The following COL15A1 variants were observed in gnomAD, a reference collection of about 807,000 sequenced individuals.
The protein encoded by COL15A1 is collagen alpha-1(XV) chain.
In COL15A1, 111 loss-of-function variants were observed where a neutral mutation model predicts 165.9. The observed-to-expected ratio is 0.67, with a 90% CI of 0.57 to 0.78. The LOEUF is 0.78. Among genes scored for constraint, COL15A1 ranks in the 30% least tolerant of loss-of-function variants. COL15A1 has a pLI of 0.00. For missense variants in COL15A1, 1,745 were observed against 1,789.7 expected, an observed-to-expected ratio of 0.98 and a Z score of 0.45; for synonymous variants, 659 against 674.8, an observed-to-expected ratio of 0.98 and a Z score of 0.36.
intron 9 of COL15A1, among the ~76,000 whole-genome samples, chr9:99,011,584 TTAAA>T (rs140252802): frequency 6.6e-6 from 1 of 152,224 alleles, no homozygotes; most frequent in East Asian, 1.9e-4. Context: ...TACATAACCT[TTAAA>T]TAAGCTTTGA....
At chr9:99,068,467 CAAAAAAAA>C (rs34451429) in intron 40 of COL15A1, 80 bp from the exon 41 acceptor site, 7 of 271,504 alleles carry the variant, frequency 2.6e-5, no homozygotes, top group South Asian at 1.4e-4. Context: ...GAAACTGTGT[CAAAAAAAA>C]AAAAAAAAAA....
intron 23 of COL15A1, 139 bp from the exon 24 acceptor site, chr9:99,041,906 A>G (rs1454190202): frequency 6.5e-6 from 4 of 611,738 alleles, no homozygotes; most frequent in African/African-American, 5.5e-5. Context: ...GGTTAAGAAA[A>G]TGTCATAGGT....
intron 2 of COL15A1, among the ~76,000 whole-genome samples, chr9:98,956,587 G>A (rs1476085736): frequency 6.6e-6 from 1 of 152,096 alleles, no homozygotes; most frequent in Non-Finnish European, 1.5e-5. Flanking sequence ...ACAGCCTTGT[G>A]AAATGAAGAA....
intron 2 of COL15A1, 51 bp downstream of exon 2, chr9:98,944,301 G>A: frequency 6.3e-7 from 1 of 1,575,014 alleles, no homozygotes; most frequent in South Asian, 1.1e-5. Flanking sequence ...GCCCGTGGGG[G>A]AAGTCGGTTT....
chr9:98,947,877 C>G (rs1837610403), intron 2 of COL15A1, among the ~76,000 whole-genome samples: 1 of 152,152 alleles, frequency 6.6e-6, no homozygotes, highest in Non-Finnish European at 1.5e-5. Context: ...CCTGCACGCC[C>G]TAAAACAGCA....
chr9:98,995,079 C>A (rs909332902), intron 5 of COL15A1, among the ~76,000 whole-genome samples: 1 of 152,198 alleles, frequency 6.6e-6, no homozygotes, highest in Non-Finnish European at 1.5e-5. Flanking sequence ...CCAGCAGCCT[C>A]ACTCCAGACT....
chr9:99,021,170 G>C (rs1839021009), intron 12 of COL15A1, among the ~76,000 whole-genome samples: 1 of 152,176 alleles, frequency 6.6e-6, no homozygotes, highest in African/African-American at 2.4e-5. Flanking sequence ...TCTCCACCAT[G>C]ACCCTGGTCC....
chr9:99,025,570 G>T (rs1839109592), intron 15 of COL15A1, among the ~76,000 whole-genome samples: 2 of 152,340 alleles, frequency 1.3e-5, no homozygotes, highest in East Asian at 1.9e-4. Context: ...CGTCTGTACA[G>T]GAGACACAGA....
intron 36 of COL15A1, among the ~76,000 whole-genome samples, chr9:99,061,455 T>G (rs1825815075): frequency 6.6e-6 from 1 of 152,260 alleles, no homozygotes; most frequent in African/African-American, 2.4e-5. Context: ...TTTTCTATCA[T>G]GCATTTAATG....
In COL15A1 at chr9:98,996,978, A is replaced by G; in HGVS notation, c.849A>G (p.Pro283=). ...KVEPINTPPT[P]SSPFEDMELS... ...AACCCATAAACACACCTCCAACTCC[A>G]TCCTCCCCCTTTGAAGACATGGAAC... is the stretch of plus-strand genomic sequence containing the variant. The change falls in exon 6 of 42, where the codon CCA becomes CCG. Residue 283 remains proline (P), a synonymous_variant. Transcript: ENST00000375001. The G allele has an allele frequency of 1.2e-6, 2 of 1,614,022 alleles. No individual in the cohort carries two copies. Among genetic ancestry groups the G allele is most frequent in the East Asian group, 2.2e-5 (1 of 44,886 alleles).
chr9:99,031,882 C>A (rs1056166095), intron 16 of COL15A1, among the ~76,000 whole-genome samples: 4 of 152,186 alleles, frequency 2.6e-5, no homozygotes, highest in African/African-American at 9.7e-5. Flanking sequence ...GTCATATTTT[C>A]ACAGACTGTC....
At position 99,015,520 on chromosome 9, in the gene COL15A1, T is replaced by C; in HGVS notation, c.1457T>C (p.Leu486Pro). Residue 486 changes from leucine to proline, a missense_variant, in exon 10 of 42, where the codon CTG becomes CCG. Coordinates refer to ENST00000375001, the MANE Select transcript of COL15A1 (RefSeq NM_001855.5). The stretch of plus-strand genomic sequence containing the variant: ...GCCAGTGGGGTCCCCACAGATGGCC[T>C]GGCTCCCCTCACAGCCACCATGGCC... Reference protein sequence around the residue: ...EEASGVPTDGLAPLTATMAPE... With the variant: ...EEASGVPTDGPAPLTATMAPE... 1 of 1,613,868 alleles carries C rather than the reference T, an allele frequency of 6.2e-7. No homozygotes were observed. Among genetic ancestry groups the C allele is most frequent in the African/African-American group, 1.3e-5 (1 of 75,060 alleles).
intron 28 of COL15A1, 127 bp downstream of exon 28, chr9:99,048,127 C>T: frequency 1.4e-6 from 1 of 717,012 alleles, no homozygotes; most frequent in Non-Finnish European, 2.6e-6. Context: ...ACTGCCACTG[C>T]CAAAGGTCCT....
rs763927457 is a variant in COL15A1 at position 99,014,757 on chromosome 9, A to G, written c.1354-660A>G. ...GTTGGAGCACAGCTTGGTTTTATGC[A>G]TTTTAGGGAGACATGAGACATCAAT... is the stretch of plus-strand genomic sequence containing the variant. On this transcript the variant is annotated intron_variant, in intron 9 of 41. Coordinates refer to ENST00000375001, the MANE Select transcript of COL15A1 (RefSeq NM_001855.5). 1.4e-3 allele frequency among the ~76,000 whole-genome samples: 214 copies of G among 152,302 alleles called. 2 individuals are homozygous for G. Among genetic ancestry groups the G allele is most frequent in the Non-Finnish European group, 1.1e-3 (78 of 68,036 alleles).
intron 5 of COL15A1, among the ~76,000 whole-genome samples, chr9:98,989,958 G>A (rs944118485): frequency 6.6e-6 from 1 of 152,204 alleles, no homozygotes; most frequent in African/African-American, 2.4e-5. Context: ...ACAGCAAGCA[G>A]CAGCAGAGTC....
Position 99,063,126 on chromosome 9 carries a change from C to T in COL15A1, c.3651+17C>T, listed in dbSNP as rs137897611. ...AAGCCTGCTGTAAGTACAATTTATA[C>T]ATTTAATCTTCAAATACTGAGTGTA... is the stretch of plus-strand genomic sequence containing the variant. On this transcript the variant is annotated intron_variant, in intron 39 of 41. Coordinates refer to ENST00000375001, the MANE Select transcript of COL15A1 (RefSeq NM_001855.5). The T allele has an allele frequency of 2.8e-4, 441 of 1,577,116 alleles. 5 individuals carry two copies. In the African/African-American group the frequency reaches 5.3e-3, roughly 19 times the overall value.
chr9:99,017,908 A>C (rs952659961), intron 11 of COL15A1, among the ~76,000 whole-genome samples: 1 of 152,176 alleles, frequency 6.6e-6, no homozygotes, highest in African/African-American at 2.4e-5. Flanking sequence ...CCACATACCC[A>C]TCGTTCAGTT....
chr9:98,986,919 G>C (rs1838324481), intron 3 of COL15A1, among the ~76,000 whole-genome samples: 2 of 152,180 alleles, frequency 1.3e-5, no homozygotes, highest in Non-Finnish European at 1.5e-5. Context: ...CTTGGGACGA[G>C]GCCTTCAAAC....
chr9:99,061,849 C>G, intron 36 of COL15A1, 122 bp from the exon 37 acceptor site: 1 of 1,042,240 alleles, frequency 9.6e-7, no homozygotes, highest in Non-Finnish European at 1.4e-6. Context: ...GGCACATTAA[C>G]AAGCCTCTTT....
Sources: gnomAD v4.1 joint callset for allele counts (sites outside exome capture counted in the v4.1 genomes callset) on GRCh38, gnomAD v4.1.1 for gene constraint, MANE v1.5 for transcripts, NCBI Gene and HGNC (gene_info 2026-07-23, HGNC 2026-07-21) for gene names.